The following CHERP variants were observed in gnomAD, a reference collection of about 807,000 sequenced individuals.
CHERP encodes calcium homeostasis endoplasmic reticulum protein, also known as ERPROT 213-21.
In CHERP, 8 loss-of-function variants were observed where a neutral mutation model predicts 113.8. That is an observed-to-expected ratio of 0.07 (90% confidence interval 0.04 to 0.13). The LOEUF (loss-of-function observed/expected upper bound fraction) is 0.13, where lower values mean the gene tolerates loss of function less well. CHERP is among the 10% of genes least tolerant of loss of function. CHERP has a pLI of 1.00. For missense variants in CHERP, 884 were observed against 1,298.2 expected (o/e 0.68, Z 4.90); for synonymous variants, 559 against 524.5 (o/e 1.07, Z -0.90).
chr19:16,526,023 G>C (rs953411434), intron 9 of CHERP: 3 of 305,716 alleles, frequency 9.8e-6, no homozygotes, highest in Non-Finnish European at 1.8e-5. Flanking sequence ...CGCCCCTCAG[G>C]GGCAGGTGCA....
At position 16,523,005 on chromosome 19, in the gene CHERP, C is replaced by A; in HGVS notation, c.1980+47G>T. Reference sequence around the variant, plus strand: ...CACTTTTCACAAGGAGAAACGGGGACCAGTATGGTAAGCGTGCTCAGCTTG... The same window carrying A: ...CACTTTTCACAAGGAGAAACGGGGAACAGTATGGTAAGCGTGCTCAGCTTG... On this transcript the variant is annotated intron_variant, in intron 11 of 16. Coordinates refer to ENST00000546361, the MANE Select transcript of CHERP (RefSeq NM_006387.6). The surrounding 1 kb of genome is among the most constrained non-coding windows in gnomAD (Gnocchi z 4.0). 1 of 1,478,018 alleles carries A rather than the reference C, an allele frequency of 6.8e-7. No individual in the cohort carries two copies. Among genetic ancestry groups the A allele is most frequent in the African/African-American group, 1.5e-5 (1 of 68,436 alleles). 91.6% of individuals were successfully genotyped at this position (1,478,018 alleles called of 1,614,324 possible). A position where few individuals can be genotyped will look rare whatever the true frequency, so the allele number is the denominator to read the frequency against.
Position 16,523,320 on chromosome 19 carries a change from C to A in CHERP, c.1742-30G>T. The A allele has an allele frequency of 6.3e-7, 1 of 1,598,254 alleles. No homozygotes were observed. Among genetic ancestry groups the A allele is most frequent in the Non-Finnish European group, 8.5e-7 (1 of 1,174,006 alleles). ...AAAACAGAGACTTGCCTCAGGACCACAGGCCAGTCAGGATCTCCCAGGCGA... is the reference window on the plus strand; with the variant it reads ...AAAACAGAGACTTGCCTCAGGACCAAAGGCCAGTCAGGATCTCCCAGGCGA... On this transcript the variant is annotated intron_variant, in intron 10 of 16. Coordinates refer to ENST00000546361, the MANE Select transcript of CHERP (RefSeq NM_006387.6). The surrounding 1 kb of genome is among the most constrained non-coding windows in gnomAD (Gnocchi z 4.0).
rs1337461710 is a variant in CHERP at position 16,535,366 on chromosome 19, C to A, written c.384+86G>T. On this transcript the variant is annotated intron_variant, in intron 3 of 16. Coordinates refer to ENST00000546361, the MANE Select transcript of CHERP (RefSeq NM_006387.6). The surrounding 1 kb of genome is among the most constrained non-coding windows in gnomAD (Gnocchi z 4.3). The stretch of plus-strand genomic sequence containing the variant: ...AGGGGGGGCCCTGTCCTCACTGACA[C>A]CTGTTATTCATTCTGATGAGCAGAC... 5.0e-5 allele frequency: 71 copies of A among 1,431,302 alleles called. No individual in the cohort carries two copies. The highest frequency in any genetic ancestry group is 5.9e-5 in the Non-Finnish European group (62 of 1,051,720). The allele number at this position is 1,431,302 out of a possible 1,614,324, so 88.7% of individuals were successfully genotyped here.
At position 16,532,448 on chromosome 19, in the gene CHERP, C is replaced by A; in HGVS notation, c.674+150G>T. Reference sequence around the variant, plus strand: ...CTGGAGACAGAAGCCTGGTGGCTCACAGAGACCCCCCACCCGGGGTCCCCG... The same window carrying A: ...CTGGAGACAGAAGCCTGGTGGCTCAAAGAGACCCCCCACCCGGGGTCCCCG... On this transcript the variant is annotated intron_variant, in intron 5 of 16. Coordinates refer to ENST00000546361, the MANE Select transcript of CHERP (RefSeq NM_006387.6). This position sits in a 1 kb window ranked among gnomAD's most constrained non-coding sequence, Gnocchi z 4.4. 5.2e-6 allele frequency: 5 copies of A among 952,648 alleles called. No homozygotes were observed. The highest frequency in any genetic ancestry group is 7.6e-6 in the Non-Finnish European group (5 of 660,508). The allele number at this position is 952,648 out of a possible 1,614,324, so 59.0% of individuals were successfully genotyped here. A position where few individuals can be genotyped will look rare whatever the true frequency, so the allele number is the denominator to read the frequency against.
At chr19:16,538,003 T>C (rs772298144) in intron 2 of CHERP, among the ~76,000 whole-genome samples, 24 of 152,144 alleles carry the variant, frequency 1.6e-4, no homozygotes, top group Non-Finnish European at 2.8e-4. Flanking sequence ...GAAGCTCCAT[T>C]CTACAACAGT....
rs755141280 is a variant in CHERP at position 16,520,967 on chromosome 19, C to G, written c.2115-55G>C. 39 of 1,467,346 alleles carry G rather than the reference C, an allele frequency of 2.7e-5. No individual in the cohort carries two copies. Among genetic ancestry groups the G allele is most frequent in the Middle Eastern group, 1.7e-4 (1 of 5,804 alleles). The allele number at this position is 1,467,346 out of a possible 1,614,324, so 90.9% of individuals were successfully genotyped here. A position where few individuals can be genotyped will look rare whatever the true frequency, so the allele number is the denominator to read the frequency against. On this transcript the variant is annotated intron_variant, in intron 12 of 16. Coordinates refer to ENST00000546361, the MANE Select transcript of CHERP (RefSeq NM_006387.6). This position sits in a 1 kb window ranked among gnomAD's most constrained non-coding sequence, Gnocchi z 4.0. ...ACGTGACACCCACCCACAAGGAAGT[C>G]GTGAAAAAGTCATCAGGAGTTAATC...
rs1019457421 is a variant in CHERP, at chr19:16,518,654, G to A, written c.*505C>T. On this transcript the variant is annotated 3_prime_UTR_variant, in exon 17 of 17. Coordinates refer to ENST00000546361, the MANE Select transcript of CHERP (RefSeq NM_006387.6). ...TTGTGTTTCTGTTTTTCAATCCGCG[G>A]GCAGTCATGGCACTGGGCTTCGGCT... The A allele has an allele frequency of 6.5e-6, 1 of 154,052 alleles. No homozygotes were observed. Among genetic ancestry groups the A allele is most frequent in the African/African-American group, 2.4e-5 (1 of 41,456 alleles). 9.5% of individuals were successfully genotyped at this position (154,052 alleles called of 1,614,324 possible). A position where few individuals can be genotyped will look rare whatever the true frequency, so the allele number is the denominator to read the frequency against.
rs2085592639 is a variant in CHERP, at chr19:16,519,906, C to G, written c.2463-191G>C. 1.5e-6 allele frequency: 1 copy of G among 665,934 alleles called. No homozygotes were observed. The highest frequency in any genetic ancestry group is 2.6e-6 in the Non-Finnish European group (1 of 382,802). The allele number at this position is 665,934 out of a possible 1,614,324, so 41.3% of individuals were successfully genotyped here. ...AGGGGGCTCCAGACGCTGGCCCCCA[C>G]CCCACGCTCAGCATTGAGAGCAGGA... On this transcript the variant is annotated intron_variant, in intron 15 of 16. Coordinates refer to ENST00000546361, the MANE Select transcript of CHERP (RefSeq NM_006387.6). The surrounding 1 kb of genome is among the most constrained non-coding windows in gnomAD (Gnocchi z 6.0).
At chr19:16,526,941 T>C (rs1338752387) in intron 9 of CHERP, among the ~76,000 whole-genome samples, 5 of 152,084 alleles carry the variant, frequency 3.3e-5, no homozygotes, top group African/African-American at 1.2e-4. Context: ...TTATTCTTTG[T>C]AGAGATGGAG....
rs1287746765 is a variant in CHERP, at chr19:16,525,415, C to T, written c.1568G>A (p.Arg523Gln). ...CTGCTGGTGGGGCGGGAAGGGCCCC[C>T]GGAAGTGTGGGGGCCGCTGCATGCG... ...PFRMQRPPHFRGPFPPHQQHP... is the reference protein window; with the variant it reads ...PFRMQRPPHFQGPFPPHQQHP... Residue 523 changes from arginine (R) to glutamine (Q), a missense_variant, in exon 10 of 17, where the codon CGG (arginine) becomes CAG (glutamine). Physicochemically the swap from Arg to Gln is conservative, Grantham distance 43. Coordinates refer to ENST00000546361, the MANE Select transcript of CHERP (RefSeq NM_006387.6). The surrounding 1 kb of genome is among the most constrained non-coding windows in gnomAD (Gnocchi z 6.5). The T allele has an allele frequency of 3.3e-6, 5 of 1,512,998 alleles. No homozygotes were observed. The highest frequency in any genetic ancestry group is 1.4e-5 in the African/African-American group (1 of 71,370). 93.7% of individuals were successfully genotyped at this position (1,512,998 alleles called of 1,614,324 possible). A position where few individuals can be genotyped will look rare whatever the true frequency, so the allele number is the denominator to read the frequency against.
rs1009470809 is a variant in CHERP at position 16,529,714 on chromosome 19, G to A, written c.1063C>T (p.Pro355Ser). Residue 355 changes from proline (P) to serine (S), a missense_variant, in exon 8 of 17, where the codon CCT becomes TCT. Around this residue, in one of 8 missense-constraint regions of CHERP, gnomAD observed 464 missense variants for 590.1 expected, o/e 0.79. Coordinates refer to ENST00000546361, the MANE Select transcript of CHERP (RefSeq NM_006387.6). ...GCCGGGGGTGGAGCAGGCGGTGGAGGCGTGGCCTTGACTTCAGCCTCCATC... is the reference window on the plus strand; with the variant it reads ...GCCGGGGGTGGAGCAGGCGGTGGAGACGTGGCCTTGACTTCAGCCTCCATC... ...PQMEAEVKAT[P>S]PPPAPPPAPA... The A allele has an allele frequency of 6.3e-7, 1 of 1,598,778 alleles. No homozygotes were observed. The highest frequency in any genetic ancestry group is 8.5e-7 in the Non-Finnish European group (1 of 1,175,804).
Position 16,520,705 on chromosome 19 carries a change from A to C in CHERP, c.2201+121T>G. 1 of 1,193,460 alleles carries C rather than the reference A, an allele frequency of 8.4e-7. No individual in the cohort carries two copies. The highest frequency in any genetic ancestry group is 1.2e-6 in the Non-Finnish European group (1 of 814,692). The allele number at this position is 1,193,460 out of a possible 1,614,324, so 73.9% of individuals were successfully genotyped here. A position where few individuals can be genotyped will look rare whatever the true frequency, so the allele number is the denominator to read the frequency against. Reference sequence around the variant, plus strand: ...TGTGAATTCAGGCCTTGTGGAAAACACCGCCCCATAGGCACAGGCTGTGTG... The same window carrying C: ...TGTGAATTCAGGCCTTGTGGAAAACCCCGCCCCATAGGCACAGGCTGTGTG... On this transcript the variant is annotated intron_variant, in intron 13 of 16. Coordinates refer to ENST00000546361, the MANE Select transcript of CHERP (RefSeq NM_006387.6). The surrounding 1 kb of genome is among the most constrained non-coding windows in gnomAD (Gnocchi z 4.0).
At chr19:16,534,062 T>C (rs1000190575) in intron 3 of CHERP, among the ~76,000 whole-genome samples, 19 of 151,398 alleles carry the variant, frequency 1.3e-4, no homozygotes, top group South Asian at 2.1e-4. Context: ...CTTTTCTTTT[T>C]TTTTTTTTTG....
chr19:16,522,943 G>A (rs2085630283), intron 11 of CHERP, 109 bp downstream of exon 11: 1 of 1,311,224 alleles, frequency 7.6e-7, no homozygotes, highest in Non-Finnish European at 1.0e-6. Context: ...AGTGGGAGAT[G>A]AAGGGGAGCC....
Position 16,525,576 on chromosome 19 carries a change from G to C in CHERP, c.1407C>G (p.Asp469Glu). The change falls in exon 10 of 17, where the codon GAC becomes GAG. Residue 469 changes from aspartate (D) to glutamate (E), a missense_variant. By Grantham distance (45) the Asp-to-Glu change is conservative. Transcript: ENST00000546361. The surrounding 1 kb of genome is among the most constrained non-coding windows in gnomAD (Gnocchi z 6.5). ...HEGMWGEQRGDPGWNGQRDAP... is the reference protein window; with the variant it reads ...HEGMWGEQRGEPGWNGQRDAP... Reference sequence around the variant, plus strand: ...CGTCGCGCTGGCCGTTCCAGCCGGGGTCACCGCGCTGCTCGCCCCACATGC... The same window carrying C: ...CGTCGCGCTGGCCGTTCCAGCCGGGCTCACCGCGCTGCTCGCCCCACATGC... 1 of 1,539,646 alleles carries C rather than the reference G, an allele frequency of 6.5e-7. No individual in the cohort carries two copies. Among genetic ancestry groups the C allele is most frequent in the East Asian group, 2.4e-5 (1 of 40,892 alleles).
chr19:16,534,236 G>C (rs2085726942), intron 3 of CHERP, among the ~76,000 whole-genome samples: 1 of 152,032 alleles, frequency 6.6e-6, no homozygotes. Context: ...TTTTTTACTA[G>C]AGACAGGGTT....
chr19:16,525,403 G>T lies in CHERP; in HGVS notation c.1580C>A (p.Pro527Gln). 1 of 1,507,204 alleles carries T rather than the reference G, an allele frequency of 6.6e-7. No homozygotes were observed. The highest frequency in any genetic ancestry group is 8.9e-7 in the Non-Finnish European group (1 of 1,127,962). 93.4% of individuals were successfully genotyped at this position (1,507,204 alleles called of 1,614,324 possible). ...QRPPHFRGPF[P>Q]PHQQHPQFNQ... ...GAACTGCGGGTGCTGCTGGTGGGGC[G>T]GGAAGGGCCCCCGGAAGTGTGGGGG... The change falls in exon 10 of 17, where the codon CCG (proline) becomes CAG (glutamine). Residue 527 changes from proline to glutamine, a missense_variant. Around this residue, in one of 8 missense-constraint regions of CHERP, gnomAD observed 464 missense variants for 590.1 expected, o/e 0.79. Coordinates refer to ENST00000546361, the MANE Select transcript of CHERP (RefSeq NM_006387.6). This position sits in a 1 kb window ranked among gnomAD's most constrained non-coding sequence, Gnocchi z 6.5.
chr19:16,539,293 G>GC (rs1381376393), intron 2 of CHERP, among the ~76,000 whole-genome samples: 62 of 151,880 alleles, frequency 4.1e-4, no homozygotes, highest in African/African-American at 1.5e-3. Flanking sequence ...GACTACAGGC[G>GC]CCCGCTACCA....
rs1183199945 is a variant in CHERP at position 16,530,403 on chromosome 19, C to T, written c.876+182G>A. 6.6e-6 allele frequency among the ~76,000 whole-genome samples: 1 copy of T among 152,210 alleles called. No individual in the cohort carries two copies. The highest frequency in any genetic ancestry group is 1.5e-5 in the Non-Finnish European group (1 of 68,034). ...TTCCAGGAAAGTCAGGGAGACACAC[C>T]TAAGGCCTGGGAAATGTCACCTGGG... is the stretch of plus-strand genomic sequence containing the variant. On this transcript the variant is annotated intron_variant, in intron 7 of 16. Transcript: ENST00000546361. The surrounding 1 kb of genome is among the most constrained non-coding windows in gnomAD (Gnocchi z 4.1).
Sources: gnomAD v4.1 joint callset for allele counts (sites outside exome capture counted in the v4.1 genomes callset) on GRCh38, gnomAD v4.1.1 for gene constraint, gnomAD v4.1.1 regional missense constraint, Gnocchi (gnomAD v3.1) non-coding constraint, MANE v1.5 for transcripts, NCBI Gene and HGNC (gene_info 2026-07-23, HGNC 2026-07-21) for gene names.